The following TDRD12 variants were observed in gnomAD, a reference collection of about 807,000 sequenced individuals.
TDRD12 encodes putative ATP-dependent RNA helicase TDRD12.
TDRD12 carries 158 observed loss-of-function variants against 133.5 expected under a neutral mutation model. That is an observed-to-expected ratio of 1.18 (90% CI 1.04 to 1.35). The LOEUF (loss-of-function observed/expected upper bound fraction) is 1.35, where lower values mean the gene tolerates loss of function less well. Ranked by LOEUF, TDRD12 falls within the 40% of genes most tolerant of loss-of-function variation. The pLI is 0.00. For missense variants in TDRD12, 1,443 were observed against 1,321.3 expected, an observed-to-expected ratio of 1.09 and a Z score of -1.43; for synonymous variants, 460 against 477.9, an observed-to-expected ratio of 0.96 and a Z score of 0.49.
intron 3 of TDRD12, among the ~76,000 whole-genome samples, chr19:32,739,290 C>T (rs181839402): frequency 3.3e-5 from 5 of 151,864 alleles, no homozygotes; most frequent in Admixed American, 6.6e-5. Context: ...TCTGCATCTC[C>T]TGGCTACTCT....
chr19:32,765,497 C>G (rs1970268740), intron 8 of TDRD12, among the ~76,000 whole-genome samples: 1 of 152,072 alleles, frequency 6.6e-6, no homozygotes, highest in Non-Finnish European at 1.5e-5. Context: ...CCCAAATGTC[C>G]AAAAATGATA....
chr19:32,819,886 G>C (rs1967319426), intron 27 of TDRD12, among the ~76,000 whole-genome samples: 1 of 152,176 alleles, frequency 6.6e-6, no homozygotes, highest in South Asian at 2.1e-4. Context: ...GTGGTTTCCA[G>C]GCACAGCCCA....
intron 27 of TDRD12, among the ~76,000 whole-genome samples, chr19:32,818,388 C>G (rs561050524): frequency 6.6e-6 from 1 of 152,326 alleles, no homozygotes; most frequent in South Asian, 2.1e-4. Flanking sequence ...GGAATGGGTT[C>G]TTGCTCCACA....
At chr19:32,789,557 G>A (rs1971008288) in intron 11 of TDRD12, among the ~76,000 whole-genome samples, 1 of 152,190 alleles carries the variant, frequency 6.6e-6, no homozygotes, top group Non-Finnish European at 1.5e-5. Context: ...TCACTGCACA[G>A]TGTTTCCAAG....
At chr19:32,794,312 C>T in intron 13 of TDRD12, among the ~76,000 whole-genome samples, 1 of 150,794 alleles carries the variant, frequency 6.6e-6, no homozygotes, top group Middle Eastern at 3.5e-3. Flanking sequence ...ACCATGTTGG[C>T]CAGGCTGGTC....
At chr19:32,735,502 T>C (rs1030195850) in intron 2 of TDRD12, among the ~76,000 whole-genome samples, 2 of 152,114 alleles carry the variant, frequency 1.3e-5, no homozygotes, top group Admixed American at 1.3e-4. Context: ...AAAGAGGCCA[T>C]CTCCACAACA....
intron 6 of TDRD12, among the ~76,000 whole-genome samples, chr19:32,755,047 C>CT (rs1568460682): frequency 6.6e-6 from 1 of 152,132 alleles, no homozygotes; most frequent in African/African-American, 2.4e-5. Flanking sequence ...AAGGTGTTTT[C>CT]TTTTTTGGTC....
At chr19:32,821,405 T>C (rs1036054139), downstream of TDRD12, 12 of 169,610 alleles carry the variant, frequency 7.1e-5, no homozygotes, top group Non-Finnish European at 9.4e-5. Context: ...TGTGTGTGTG[T>C]GTGTGCGTGT....
At chr19:32,760,845 T>A (rs757947344) in intron 8 of TDRD12, among the ~76,000 whole-genome samples, 8 of 152,206 alleles carry the variant, frequency 5.3e-5, no homozygotes, top group Non-Finnish European at 7.3e-5. Context: ...TTTACAATAA[T>A]CACAAACTTA....
At chr19:32,728,645 CTT>C (rs61327045) in intron 1 of TDRD12, among the ~76,000 whole-genome samples, 15 of 129,086 alleles carry the variant, frequency 1.2e-4, no homozygotes, top group Admixed American at 2.5e-4. Flanking sequence ...TTTTCTTTTC[CTT>C]TTTTTTTTTT....
chr19:32,820,104 C>T (rs1004433610), intron 27 of TDRD12, among the ~76,000 whole-genome samples: 4 of 152,132 alleles, frequency 2.6e-5, no homozygotes, highest in Non-Finnish European at 5.9e-5. Flanking sequence ...GGCGACTGCA[C>T]AGAGCCTGGG....
intron 7 of TDRD12, 95 bp from the exon 8 acceptor site, chr19:32,756,943 C>A: frequency 9.0e-7 from 1 of 1,109,890 alleles, no homozygotes; most frequent in Non-Finnish European, 1.3e-6. Context: ...AACCTCAGAG[C>A]AAAAGCAAGA....
intron 1 of TDRD12, among the ~76,000 whole-genome samples, chr19:32,726,464 T>C (rs1167462838): frequency 6.6e-6 from 1 of 152,206 alleles, no homozygotes. Context: ...CTCTGCTTTC[T>C]CTATGAATTT....
chr19:32,802,358 T>A (rs1023088330), intron 19 of TDRD12, among the ~76,000 whole-genome samples: 29 of 151,236 alleles, frequency 1.9e-4, no homozygotes, highest in Admixed American at 5.3e-4. Context: ...CATGCATGAT[T>A]GCTAAATTTA....
Position 32,749,808 on chromosome 19 carries a change from T to G in TDRD12, c.521T>G (p.Leu174Ter). 1.3e-6 allele frequency: 2 copies of G among 1,550,766 alleles called. No homozygotes were observed. The highest frequency in any genetic ancestry group is 1.7e-6 in the Non-Finnish European group (2 of 1,146,452). ...GCAACTACCCAGGTGGAAGCCAGAT[T>G]ATGTGCTGTGGAAGAAGATACATTT... The change falls in exon 6 of 28, where the codon TTA becomes TGA. Residue 174 changes from leucine (L) to a stop codon, truncating the protein, a stop_gained. Transcript: ENST00000444215. LOFTEE classifies it high-confidence loss of function.
intron 11 of TDRD12, among the ~76,000 whole-genome samples, chr19:32,788,916 A>T (rs1454059443): frequency 1.3e-5 from 2 of 152,094 alleles, no homozygotes; most frequent in African/African-American, 4.8e-5. Context: ...GCTGAGTGGG[A>T]GGCACAGGCT....
intron 1 of TDRD12, among the ~76,000 whole-genome samples, chr19:32,729,782 T>TC (rs1968985445): frequency 8.9e-6 from 1 of 112,902 alleles, no homozygotes; most frequent in African/African-American, 3.9e-5. Context: ...CTTTTTCTTT[T>TC]TTTTTTTTTT....
At chr19:32,796,828 C>G (rs564990694) in intron 14 of TDRD12, among the ~76,000 whole-genome samples, 171 of 152,166 alleles carry the variant, frequency 1.1e-3, no homozygotes, top group African/African-American at 4.0e-3. Context: ...GGAAGCTGGG[C>G]CCACCTGGAT....
chr19:32,779,444 G>T (rs780288931), intron 11 of TDRD12, among the ~76,000 whole-genome samples: 2 of 152,138 alleles, frequency 1.3e-5, no homozygotes, highest in Non-Finnish European at 1.5e-5. Context: ...TCTGGAAGAG[G>T]TCACCCCAGA....
Sources: gnomAD v4.1 joint callset for allele counts (sites outside exome capture counted in the v4.1 genomes callset) on GRCh38, gnomAD v4.1.1 for gene constraint, MANE v1.5 for transcripts, NCBI Gene and HGNC (gene_info 2026-07-23, HGNC 2026-07-21) for gene names.